The following JARID2 variants were observed in gnomAD, a reference collection of about 807,000 sequenced individuals.
JARID2 encodes the protein protein Jumonji.
In JARID2, 21 loss-of-function variants were observed where a neutral mutation model predicts 125.6. The ratio of observed to expected loss-of-function variants is 0.17; its 90% CI spans 0.12 to 0.24. The LOEUF (loss-of-function observed/expected upper bound fraction) is 0.24. Among genes scored for constraint, JARID2 ranks in the 10% least tolerant of loss-of-function variants. The pLI, the probability that JARID2 is intolerant of heterozygous loss-of-function variation, is 1.00. For synonymous variants in JARID2, 736 were observed against 661.6 expected (o/e 1.11, Z -1.73); for missense variants, 1,303 against 1,639.6 (o/e 0.79, Z 3.55).
At chr6:15,396,743 C>G (rs972341401) in intron 2 of JARID2, among the ~76,000 whole-genome samples, 2 of 152,150 alleles carry the variant, frequency 1.3e-5, no homozygotes, top group African/African-American at 4.8e-5. Flanking sequence ...TATTCTCAGA[C>G]CTTGGTTGAC....
At chr6:15,358,620 C>A (rs1370279501) in intron 1 of JARID2, among the ~76,000 whole-genome samples, 1 of 152,130 alleles carries the variant, frequency 6.6e-6, no homozygotes, top group African/African-American at 2.4e-5. Context: ...TCCACTGTAA[C>A]CTTTTTGCTT....
intron 1 of JARID2, among the ~76,000 whole-genome samples, chr6:15,313,457 T>G (rs1762081346): frequency 6.6e-6 from 1 of 152,176 alleles, no homozygotes. Context: ...GGTCTTGCAT[T>G]TGTGCCTCTT....
At chr6:15,247,694 T>TA (rs1468379025) in intron 1 of JARID2, 9 of 985,186 alleles carry the variant, frequency 9.1e-6, no homozygotes, top group Admixed American at 6.2e-5. Flanking sequence ...ACTGGTTTTG[T>TA]AAAAAAATAT....
chr6:15,294,266 C>T (rs933005648), intron 1 of JARID2, among the ~76,000 whole-genome samples: 14 of 152,150 alleles, frequency 9.2e-5, no homozygotes, highest in Non-Finnish European at 1.6e-4. Flanking sequence ...GATCTTGGCT[C>T]ACTGCAGCCT....
At chr6:15,330,960 A>T (rs765234231) in intron 1 of JARID2, among the ~76,000 whole-genome samples, 26 of 152,178 alleles carry the variant, frequency 1.7e-4, no homozygotes, top group Non-Finnish European at 3.5e-4. Flanking sequence ...TTGTTCCCTA[A>T]GATAGTCCTT....
At chr6:15,389,564 T>C (rs1764922391) in intron 2 of JARID2, among the ~76,000 whole-genome samples, 1 of 152,248 alleles carries the variant, frequency 6.6e-6, no homozygotes, top group Admixed American at 6.5e-5. Flanking sequence ...GAGATGACTT[T>C]GTTCCTAGTG....
chr6:15,462,482 G>C (rs1184065504), intron 4 of JARID2, among the ~76,000 whole-genome samples: 1 of 152,182 alleles, frequency 6.6e-6, no homozygotes, highest in Non-Finnish European at 1.5e-5. Flanking sequence ...GATGCACTAG[G>C]GTATTTGGGT....
chr6:15,512,790 T>G (rs777683159), intron 14 of JARID2, 125 bp from the exon 15 acceptor site: 59 of 1,013,734 alleles, frequency 5.8e-5, no homozygotes, highest in Non-Finnish European at 8.6e-5. Flanking sequence ...TTGAAGAGTT[T>G]TTAATCTAAA....
chr6:15,313,250 T>C (rs1264682867), intron 1 of JARID2, among the ~76,000 whole-genome samples: 1 of 152,204 alleles, frequency 6.6e-6, no homozygotes. Context: ...TCAGTTTTCA[T>C]GGATGAGAAA....
At position 15,466,390 on chromosome 6, in the gene JARID2, T is replaced by C. The variant is rs145990290; in HGVS notation, c.494-2152T>C. Among the ~76,000 whole-genome samples, 11 of 152,354 alleles carry C rather than the reference T, an allele frequency of 7.2e-5. No individual in the cohort carries two copies. The East Asian group carries it at 2.1e-3, about 29-fold the overall frequency. ...GCCTCCAAGATACAGTATAGGAAGG[T>C]TGTTCTTTAAAAGAAATTAAGCATG... On this transcript the variant is annotated intron_variant, in intron 4 of 17. Transcript: ENST00000341776.
chr6:15,480,468 C>A (rs912617815), intron 5 of JARID2, among the ~76,000 whole-genome samples: 1 of 152,038 alleles, frequency 6.6e-6, no homozygotes, highest in Non-Finnish European at 1.5e-5. Flanking sequence ...ATCAGGATTC[C>A]CTCTTGTGTT....
chr6:15,405,936 T>A (rs1363820404), intron 2 of JARID2, among the ~76,000 whole-genome samples: 1 of 152,190 alleles, frequency 6.6e-6, no homozygotes, highest in East Asian at 1.9e-4. Context: ...AAATGAAATG[T>A]GGTAGCCAGT....
At chr6:15,394,417 G>T (rs1472596588) in intron 2 of JARID2, among the ~76,000 whole-genome samples, 2 of 152,238 alleles carry the variant, frequency 1.3e-5, no homozygotes, top group Non-Finnish European at 2.9e-5. Flanking sequence ...TGGGCAGCTT[G>T]GCGAAACACC....
intron 3 of JARID2, among the ~76,000 whole-genome samples, chr6:15,445,602 C>A (rs968572726): frequency 6.6e-6 from 1 of 152,156 alleles, no homozygotes; most frequent in Non-Finnish European, 1.5e-5. Context: ...AGTACAAATA[C>A]TCTCTGATGT....
At chr6:15,347,239 G>A (rs1370476589) in intron 1 of JARID2, among the ~76,000 whole-genome samples, 1 of 152,164 alleles carries the variant, frequency 6.6e-6, no homozygotes, top group African/African-American at 2.4e-5. Flanking sequence ...GGGAAAAGAA[G>A]GACCCAGGTA....
chr6:15,257,012 G>C (rs1218887622), intron 1 of JARID2, among the ~76,000 whole-genome samples: 1 of 152,124 alleles, frequency 6.6e-6, no homozygotes, highest in Non-Finnish European at 1.5e-5. Flanking sequence ...TTTTATAGTT[G>C]AGAATTCCTG....
intron 4 of JARID2, among the ~76,000 whole-genome samples, chr6:15,467,661 G>A (rs1247106502): frequency 6.6e-6 from 1 of 151,966 alleles, no homozygotes; most frequent in African/African-American, 2.4e-5. Context: ...GGGCAACATA[G>A]CAAGACTCCA....
intron 2 of JARID2, among the ~76,000 whole-genome samples, chr6:15,376,954 T>G (rs1009363557): frequency 3.3e-5 from 5 of 152,192 alleles, no homozygotes; most frequent in African/African-American, 1.2e-4. Context: ...AGCTGTGTTG[T>G]GCATATATAT....
chr6:15,329,677 A>G (rs920617592), intron 1 of JARID2, among the ~76,000 whole-genome samples: 1 of 152,220 alleles, frequency 6.6e-6, no homozygotes, highest in African/African-American at 2.4e-5. Context: ...TCCCATTTCT[A>G]GACTGCTGAC....
Sources: gnomAD v4.1 joint callset for allele counts (sites outside exome capture counted in the v4.1 genomes callset) on GRCh38, gnomAD v4.1.1 for gene constraint, MANE v1.5 for transcripts, NCBI Gene and HGNC (gene_info 2026-07-23, HGNC 2026-07-21) for gene names.